Variants in TRIM9 observed in about 807,000 individuals in gnomAD.
TRIM9 encodes the protein E3 ubiquitin-protein ligase TRIM9.
In TRIM9, 26 loss-of-function variants were observed where a neutral mutation model predicts 78.3. That is an observed-to-expected ratio of 0.33 (90% CI 0.24 to 0.46). The LOEUF is 0.46. Among genes scored for constraint, TRIM9 ranks in the 20% least tolerant of loss-of-function variants. The pLI is 1.00. For synonymous variants in TRIM9, 398 were observed against 416.5 expected (o/e 0.96, Z 0.54); for missense variants, 787 against 1,036.4 (o/e 0.76, Z 3.30).
chr14:51,076,714 C>A (rs568619507), intron 1 of TRIM9, among the ~76,000 whole-genome samples: 2 of 152,314 alleles, frequency 1.3e-5, no homozygotes. Flanking sequence ...CTTTCATCTT[C>A]GCAACAGTCC....
intron 1 of TRIM9, among the ~76,000 whole-genome samples, chr14:51,045,195 C>T (rs2059860443): frequency 6.6e-6 from 1 of 152,176 alleles, no homozygotes; most frequent in Non-Finnish European, 1.5e-5. Context: ...GAGACTCCTT[C>T]CCCTGTGAGC....
rs913269142 is a variant in TRIM9, at chr14:50,976,022, G to A, written c.*1269C>T. On this transcript the variant is annotated 3_prime_UTR_variant, in exon 13 of 13. Transcript: ENST00000684578. Reference sequence around the variant, plus strand: ...AACAGGCACAGATAGTATATATGGAGACAAGCATGTTTATCCTGAGAATGT... The same window carrying A: ...AACAGGCACAGATAGTATATATGGAAACAAGCATGTTTATCCTGAGAATGT... 2.0e-5 allele frequency: 3 copies of A among 152,626 alleles called. No homozygotes were observed. The highest frequency in any genetic ancestry group is 2.9e-5 in the Non-Finnish European group (2 of 68,034). 9.5% of individuals were successfully genotyped at this position (152,626 alleles called of 1,614,324 possible).
At chr14:51,005,681 A>T (rs1430060585) in intron 5 of TRIM9, among the ~76,000 whole-genome samples, 1 of 152,244 alleles carries the variant, frequency 6.6e-6, no homozygotes, top group Non-Finnish European at 1.5e-5. Context: ...CTCTAATAAA[A>T]GTAGAAGACA....
chr14:51,073,934 C>T (rs2062528967), intron 1 of TRIM9, among the ~76,000 whole-genome samples: 1 of 152,188 alleles, frequency 6.6e-6, no homozygotes. Flanking sequence ...TATGCTGGGG[C>T]TGGCTTGTAC....
Position 51,094,306 on chromosome 14 carries a change from G to A in TRIM9, c.634C>T (p.Pro212Ser). 6.2e-7 allele frequency: 1 copy of A among 1,613,790 alleles called. No individual in the cohort carries two copies. The change falls in exon 1 of 13, where the codon CCG (proline) becomes TCG (serine). Residue 212 changes from proline to serine, a missense_variant. This residue lies in a region of TRIM9 where 352 missense variants were observed against 472.3 expected (regional missense o/e 0.75). Coordinates refer to ENST00000684578, the MANE Select transcript of TRIM9 (RefSeq NM_001387360.1). ...GPLAKHRLVP[P>S]AQGRVSRRLS... is the part of the protein sequence containing the mutation. ...CTCCGGCTCACACGACCCTGGGCCG[G>A]GGGCACCAGGCGGTGCTTGGCTAGG...
At chr14:51,017,718 GT>G (rs1222971644) in intron 3 of TRIM9, among the ~76,000 whole-genome samples, 1 of 152,230 alleles carries the variant, frequency 6.6e-6, no homozygotes, top group African/African-American at 2.4e-5. Context: ...CCTTCTGGAG[GT>G]AAGAGGTGTC....
In TRIM9 at chr14:51,007,716, C is replaced by T. The variant is rs926934324; in HGVS notation, c.1306+1364G>A. Among the ~76,000 whole-genome samples the T allele has an allele frequency of 2.6e-5, 4 of 151,308 alleles. No homozygotes were observed. The South Asian group carries it at 8.3e-4, about 32-fold the overall frequency. ...CAATAAATGCTAAACATTTTTCTTA[C>T]TGTAACAAAGCATACTTATTTCCAA... is the stretch of plus-strand genomic sequence containing the variant. On this transcript the variant is annotated intron_variant, in intron 5 of 12. Transcript: ENST00000684578.
chr14:51,020,260 G>T (rs1474420943), intron 3 of TRIM9, among the ~76,000 whole-genome samples: 3 of 152,188 alleles, frequency 2.0e-5, no homozygotes, highest in Admixed American at 6.5e-5. Context: ...AAGGGAAAAG[G>T]CAGGGGGAGA....
chr14:51,078,610 A>G (rs1279473816), intron 1 of TRIM9, among the ~76,000 whole-genome samples: 1 of 152,238 alleles, frequency 6.6e-6, no homozygotes, highest in African/African-American at 2.4e-5. Flanking sequence ...AGCCAGACAC[A>G]GAAAGAAAAA....
intron 7 of TRIM9, chr14:50,997,594 T>C (rs1254980177): frequency 7.9e-6 from 8 of 1,007,742 alleles, no homozygotes; most frequent in African/African-American, 5.2e-5. Flanking sequence ...CATTCAGTCA[T>C]ACAAATCCAC....
chr14:50,993,445 C>A (rs530160507), intron 7 of TRIM9, among the ~76,000 whole-genome samples: 1 of 151,422 alleles, frequency 6.6e-6, no homozygotes, highest in African/African-American at 2.4e-5. Flanking sequence ...CTCAGCTCAC[C>A]GCAACCTCTG....
Position 51,015,505 on chromosome 14 carries a change from C to CTTTTTTTTTTT in TRIM9, c.1042-5022_1042-5012dup, listed in dbSNP as rs369652663. 1.3e-3 allele frequency among the ~76,000 whole-genome samples: 77 copies of CTTTTTTTTTTT among 61,322 alleles called. 8 individuals carry two copies. The highest frequency in any genetic ancestry group is 3.1e-3 in the African/African-American group (45 of 14,668). 40.2% of individuals were successfully genotyped at this position (61,322 alleles called of 152,430 possible). On this transcript the variant is annotated intron_variant, in intron 3 of 12. Coordinates refer to ENST00000684578, the MANE Select transcript of TRIM9 (RefSeq NM_001387360.1). ...AATGCTTTTTTCTTTCTTTACTTTT[C>CTTTTTTTTTTT]TTTTTTTTTTTTTTTTTTTTTTTTT...
chr14:50,984,404 TG>T (rs1249550640), intron 8 of TRIM9, among the ~76,000 whole-genome samples: 1 of 152,250 alleles, frequency 6.6e-6, no homozygotes, highest in African/African-American at 2.4e-5. Context: ...ATAAAAATTA[TG>T]ATCTTACTTT....
intron 1 of TRIM9, among the ~76,000 whole-genome samples, chr14:51,050,439 G>T (rs1421689009): frequency 6.6e-5 from 10 of 152,184 alleles, no homozygotes; most frequent in African/African-American, 2.2e-4. Context: ...CTTCCACCAT[G>T]ATTGTGAGGC....
intron 3 of TRIM9, among the ~76,000 whole-genome samples, chr14:51,012,377 A>C (rs1361172727): frequency 6.6e-6 from 1 of 152,212 alleles, no homozygotes; most frequent in Non-Finnish European, 1.5e-5. Flanking sequence ...AATGTCTTTG[A>C]GATTCAACCA....
At chr14:50,991,627 A>G (rs2053521753) in intron 7 of TRIM9, among the ~76,000 whole-genome samples, 1 of 152,210 alleles carries the variant, frequency 6.6e-6, no homozygotes, top group African/African-American at 2.4e-5. Context: ...TATCATAGGC[A>G]TAACTTTAAG....
rs376982727 is a variant in TRIM9 at position 50,997,179 on chromosome 14, G to T, written c.1603+871C>A. The T allele has an allele frequency of 4.1e-6, 4 of 985,346 alleles. No individual in the cohort carries two copies. The Admixed American group carries it at 2.5e-4, about 61-fold the overall frequency. The allele number at this position is 985,346 out of a possible 1,614,324, so 61.0% of individuals were successfully genotyped here. Reference sequence around the variant, plus strand: ...TGGCACCAGCCACAAATACCTCCTTGTAGGTTTAATTTCATGTGTCTTGCT... The same window carrying T: ...TGGCACCAGCCACAAATACCTCCTTTTAGGTTTAATTTCATGTGTCTTGCT... On this transcript the variant is annotated intron_variant, in intron 7 of 12. Transcript: ENST00000684578.
intron 8 of TRIM9, among the ~76,000 whole-genome samples, chr14:50,985,219 CACA>C (rs2052534742): frequency 6.6e-6 from 1 of 152,192 alleles, no homozygotes; most frequent in Non-Finnish European, 1.5e-5. Flanking sequence ...TAGGCTCTGT[CACA>C]ACCAGCTTGG....
intron 1 of TRIM9, among the ~76,000 whole-genome samples, chr14:51,089,539 G>A (rs897956970): frequency 6.6e-6 from 1 of 152,124 alleles, no homozygotes; most frequent in Non-Finnish European, 1.5e-5. Flanking sequence ...GGCATATACA[G>A]GAGAAACAAT....
Sources: gnomAD v4.1 joint callset for allele counts (sites outside exome capture counted in the v4.1 genomes callset) on GRCh38, gnomAD v4.1.1 for gene constraint, gnomAD v4.1.1 regional missense constraint, MANE v1.5 for transcripts, NCBI Gene and HGNC (gene_info 2026-07-23, HGNC 2026-07-21) for gene names.